The following ZMYM6 variants were observed in gnomAD, a reference collection of about 807,000 sequenced individuals.
ZMYM6 encodes zinc finger MYM-type protein 6.
A neutral mutation model predicts 134.0 loss-of-function variants in ZMYM6; 90 were observed. That is an observed-to-expected ratio of 0.67 (90% CI 0.57 to 0.80). The LOEUF is 0.80. Among genes scored for constraint, ZMYM6 ranks in the 30% least tolerant of loss-of-function variants. The pLI is 0.00. For synonymous variants in ZMYM6, 481 were observed against 524.1 expected (o/e 0.92, Z 1.12); for missense variants, 1,362 against 1,533.9 (o/e 0.89, Z 1.87).
intron 4 of ZMYM6, among the ~76,000 whole-genome samples, chr1:35,016,795 C>T (rs1409750097): frequency 6.6e-6 from 1 of 152,048 alleles, no homozygotes; most frequent in Non-Finnish European, 1.5e-5. Context: ...CATGATCATG[C>T]CACTGCACTC....
chr1:35,019,653 A>T, intron 3 of ZMYM6, 51 bp from the exon 4 acceptor site: 1 of 1,510,956 alleles, frequency 6.6e-7, no homozygotes, highest in Non-Finnish European at 8.8e-7. Flanking sequence ...ATGCATATAC[A>T]GTCTCAGTCT....
At position 34,988,645 on chromosome 1, in the gene ZMYM6, A is replaced by G. The variant is rs370942660; in HGVS notation, c.2437T>C (p.Cys813Arg). Residue 813 changes from cysteine (C) to arginine (R), a missense_variant, in exon 16 of 16, where the codon TGT (cysteine) becomes CGT (arginine). By Grantham distance (180) the Cys-to-Arg change is radical (BLOSUM62 -3). Around this residue, in one of 3 missense-constraint regions of ZMYM6, gnomAD observed 824 missense variants for 940.9 expected, o/e 0.88. Transcript: ENST00000357182. The stretch of plus-strand genomic sequence containing the variant: ...CACTTTTTTAAAGAACTATTTTGAC[A>G]TTCCATTTCTAAAGATTTTTGTTCA... Reference protein sequence around the residue: ...FFEQKSLEMECQNSSLKKCLL... With the variant: ...FFEQKSLEMERQNSSLKKCLL... 418 of 1,547,398 alleles carry G rather than the reference A, an allele frequency of 2.7e-4. No individual in the cohort carries two copies. Among genetic ancestry groups the G allele is most frequent in the Non-Finnish European group, 3.3e-4 (379 of 1,145,720 alleles).
rs186926462 is a variant in ZMYM6 at position 35,008,640 on chromosome 1, T to C, written c.1665+112A>G. On this transcript the variant is annotated intron_variant, in intron 11 of 15. Transcript: ENST00000357182. ...TTTTTCTATTATAGCCCATAACTTA[T>C]TTTATCCAGTGCTAAACACCAAATT... 6.6e-5 allele frequency: 71 copies of C among 1,076,582 alleles called. No homozygotes were observed. The African/African-American group carries it at 1.0e-3, about 16-fold the overall frequency. 66.7% of individuals were successfully genotyped at this position (1,076,582 alleles called of 1,614,324 possible). A position where few individuals can be genotyped will look rare whatever the true frequency, so the allele number is the denominator to read the frequency against.
Position 34,986,185 on chromosome 1 carries a change from T to G in ZMYM6, c.*919A>C, listed in dbSNP as rs1388803055. The G allele has an allele frequency of 1.3e-5, 2 of 152,260 alleles. No individual in the cohort carries two copies. The highest frequency in any genetic ancestry group is 2.9e-5 in the Non-Finnish European group (2 of 68,040). 9.4% of individuals were successfully genotyped at this position (152,260 alleles called of 1,614,324 possible). ...TCATATTTCAGTGTTCATGAATAAG[T>G]TTTATTTAAAAACAGCCACACTTAT... is the stretch of plus-strand genomic sequence containing the variant. On this transcript the variant is annotated 3_prime_UTR_variant, in exon 16 of 16. Transcript: ENST00000357182.
In ZMYM6 at chr1:35,012,563, G is replaced by T; in HGVS notation, c.814C>A (p.Pro272Thr). ...CTCAATGACTTCCCCAGGGCATATG[G>T]AGGAATTTGGGCAGAATTCTATTAA... ...AYKQNSAQIP[P>T]YALGKSLRPS... is the part of the protein sequence containing the mutation. The change falls in exon 7 of 16, where the codon CCA becomes ACA. Residue 272 changes from proline (P) to threonine (T), a missense_variant. Pro to Thr is a conservative substitution (Grantham distance 38, BLOSUM62 -1). Around this residue, in one of 3 missense-constraint regions of ZMYM6, gnomAD observed 503 missense variants for 520.8 expected, o/e 0.97. Transcript: ENST00000357182. The T allele has an allele frequency of 6.2e-7, 1 of 1,613,482 alleles. No individual in the cohort carries two copies. The highest frequency in any genetic ancestry group is 1.3e-5 in the African/African-American group (1 of 75,008).
At position 34,988,379 on chromosome 1, in the gene ZMYM6, C is replaced by T; in HGVS notation, c.2703G>A (p.Lys901=). The part of the protein sequence containing the change: ...SADIEDQLIQ[K]VRESKWFALQ... ...GGGCAAACCACTTTGACTCTCTGAC[C>T]TTTTGAATCAGCTGGTCTTCAATGT... The change falls in exon 16 of 16, where the codon AAG becomes AAA. Residue 901 remains lysine (K), a synonymous_variant. Transcript: ENST00000357182. 6.4e-7 allele frequency: 1 copy of T among 1,551,596 alleles called. No individual in the cohort carries two copies.
At chr1:35,016,620 T>C (rs553031304) in intron 4 of ZMYM6, among the ~76,000 whole-genome samples, 1 of 152,290 alleles carries the variant, frequency 6.6e-6, no homozygotes, top group East Asian at 1.9e-4. Context: ...AATAAGTGTG[T>C]TGAGTAATTA....
At chr1:34,999,486 G>A (rs1171818117) in intron 14 of ZMYM6, among the ~76,000 whole-genome samples, 1 of 152,156 alleles carries the variant, frequency 6.6e-6, no homozygotes, top group African/African-American at 2.4e-5. Flanking sequence ...CAGATAAGAT[G>A]TAGGACTGCA....
intron 14 of ZMYM6, among the ~76,000 whole-genome samples, chr1:35,002,488 T>A (rs900581136): frequency 4.6e-5 from 7 of 152,220 alleles, no homozygotes; most frequent in African/African-American, 1.7e-4. Context: ...TGCCTTAGCA[T>A]AGATGATAGA....
intron 14 of ZMYM6, among the ~76,000 whole-genome samples, chr1:34,995,733 T>A (rs1165549768): frequency 2.6e-5 from 4 of 152,148 alleles, no homozygotes; most frequent in African/African-American, 4.8e-5. Context: ...TACGAATTGT[T>A]TATTTCCGGA....
chr1:35,030,630 G>T lies in ZMYM6; in HGVS notation c.10C>A (p.Pro4Thr), dbSNP rs755459403. 10 of 1,612,080 alleles carry T rather than the reference G, an allele frequency of 6.2e-6. No individual in the cohort carries two copies. Among genetic ancestry groups the T allele is most frequent in the Middle Eastern group, 1.7e-4 (1 of 6,060 alleles). MKEPLDGECGKAVV... is the reference protein window; with the variant it reads MKETLDGECGKAVV... ...GCTTTGCCACATTCACCATCCAAAG[G>T]TTCTTTCATTCTAATTTTTTACCTC... The change falls in exon 2 of 16, where the codon CCT (proline) becomes ACT (threonine). Residue 4 changes from proline to threonine, a missense_variant. Coordinates refer to ENST00000357182, the MANE Select transcript of ZMYM6 (RefSeq NM_007167.4).
intron 14 of ZMYM6, among the ~76,000 whole-genome samples, chr1:34,994,590 T>A (rs1334861104): frequency 6.6e-6 from 1 of 151,974 alleles, no homozygotes; most frequent in African/African-American, 2.4e-5. Flanking sequence ...AAAAACAAAA[T>A]TAGGATTGTA....
Position 34,987,447 on chromosome 1 carries a change from T to C in ZMYM6, c.3635A>G (p.Asn1212Ser). The C allele has an allele frequency of 6.2e-7, 1 of 1,613,934 alleles. No individual in the cohort carries two copies. The highest frequency in any genetic ancestry group is 8.5e-7 in the Non-Finnish European group (1 of 1,179,962). The change falls in exon 16 of 16, where the codon AAT becomes AGT. Residue 1212 changes from asparagine (N) to serine (S), a missense_variant. Asn to Ser is a conservative substitution (Grantham distance 46, BLOSUM62 1). Transcript: ENST00000357182. The stretch of plus-strand genomic sequence containing the variant: ...CATAAAAGGGTGAATTATCCACAAA[T>C]TTCCTGAACGCAAGTCTTGTTCTGG... ...FPPEQDLRSGNLWIIHPFMNH... is the reference protein window; with the variant it reads ...FPPEQDLRSGSLWIIHPFMNH...
At chr1:35,020,566 TC>T (rs1641289786) in intron 2 of ZMYM6, 99 bp from the exon 3 acceptor site, 3 of 332,596 alleles carry the variant, frequency 9.0e-6, no homozygotes, top group Non-Finnish European at 1.5e-5. Flanking sequence ...CCTATTCATC[TC>T]CTTTTTTTTT....
At position 34,988,088 on chromosome 1, in the gene ZMYM6, T is replaced by G. The variant is rs574340576; in HGVS notation, c.2994A>C (p.Gln998His). Residue 998 changes from glutamine (Q) to histidine (H), a missense_variant, in exon 16 of 16, where the codon CAA becomes CAC. This residue lies in a region of ZMYM6 where 824 missense variants were observed against 940.9 expected (regional missense o/e 0.88). Coordinates refer to ENST00000357182, the MANE Select transcript of ZMYM6 (RefSeq NM_007167.4). ...ATGCCGCTGTATTCATGGCAACTTC[T>G]TGAATTTTTGCTTTTAAACCAGAAT... ...GRYSGLKAKI[Q>H]EVAMNTAAFT... 200 of 1,551,498 alleles carry G rather than the reference T, an allele frequency of 1.3e-4. No homozygotes were observed. The highest frequency in any genetic ancestry group is 5.1e-4 in the Admixed American group (26 of 51,008).
chr1:34,994,298 A>G (rs1640738426), intron 14 of ZMYM6, among the ~76,000 whole-genome samples: 1 of 152,228 alleles, frequency 6.6e-6, no homozygotes, highest in Non-Finnish European at 1.5e-5. Context: ...AAAGCAGCGT[A>G]CAGGAATGGA....
chr1:34,995,080 C>CATACGTATATATGTATGTAAT lies in ZMYM6; in HGVS notation c.1993-2694_1993-2693insATTACATACATATATACGTAT, dbSNP rs1197640620. Reference sequence around the variant, plus strand: ...TATATATATGTAATATATATACTTACATACGTATATATGTATGTATATACG... The same window carrying CATACGTATATATGTATGTAAT: ...TATATATATGTAATATATATACTTACATACGTATATATGTATGTAATATACGTATATATGTATGTATATACG... On this transcript the variant is annotated intron_variant, in intron 14 of 15. Coordinates refer to ENST00000357182, the MANE Select transcript of ZMYM6 (RefSeq NM_007167.4). Among the ~76,000 whole-genome samples the CATACGTATATATGTATGTAAT allele has an allele frequency of 2.5e-3, 311 of 122,402 alleles. 1 individual carries two copies. Among genetic ancestry groups the CATACGTATATATGTATGTAAT allele is most frequent in the Non-Finnish European group, 2.8e-3 (180 of 65,380 alleles). 80.3% of individuals were successfully genotyped at this position (122,402 alleles called of 152,430 possible).
At chr1:34,995,735 A>G (rs1640773475) in intron 14 of ZMYM6, among the ~76,000 whole-genome samples, 1 of 152,140 alleles carries the variant, frequency 6.6e-6, no homozygotes, top group Admixed American at 6.5e-5. Flanking sequence ...CGAATTGTTT[A>G]TTTCCGGAAT....
At position 34,988,243 on chromosome 1, in the gene ZMYM6, C is replaced by T; in HGVS notation, c.2839G>A (p.Glu947Lys). The T allele has an allele frequency of 1.9e-6, 3 of 1,549,872 alleles. No individual in the cohort carries two copies. The highest frequency in any genetic ancestry group is 2.6e-6 in the Non-Finnish European group (3 of 1,146,114). ...DVKEELLFCI[E>K]MPTQITGFEI... ...AAGCCAGTTATTTGAGTAGGCATTT[C>T]AATGCAAAATAATAATTCTTCTTTT... The change falls in exon 16 of 16, where the codon GAA (glutamate) becomes AAA (lysine). Residue 947 changes from glutamate (E) to lysine (K), a missense_variant. By Grantham distance (56) the Glu-to-Lys change is moderately conservative. Coordinates refer to ENST00000357182, the MANE Select transcript of ZMYM6 (RefSeq NM_007167.4).
Sources: allele counts gnomAD v4.1 joint callset (sites outside exome capture counted in the v4.1 genomes callset), GRCh38; gene constraint gnomAD v4.1.1; regional missense constraint gnomAD v4.1.1; transcripts MANE v1.5; gene names NCBI Gene and HGNC (gene_info 2026-07-23, HGNC 2026-07-21).